PCDHA12: variants seen among roughly 807,000 people sequenced by gnomAD.
PCDHA12 encodes protocadherin alpha-12.
A neutral mutation model predicts 60.0 loss-of-function variants in PCDHA12; 44 were observed. The ratio of observed to expected loss-of-function variants is 0.73; its 90% CI spans 0.58 to 0.94. PCDHA12 has a LOEUF of 0.94. Among genes scored for constraint, PCDHA12 ranks in the 40% least tolerant of loss-of-function variants. The pLI, the probability that PCDHA12 is intolerant of heterozygous loss-of-function variation, is 0.00. For missense variants in PCDHA12, 1,276 were observed against 1,239.7 expected (o/e 1.03, Z -0.44); for synonymous variants, 569 against 553.0 (o/e 1.03, Z -0.40).
At chr5:140,983,588 C>T (rs530448589) in intron 3 of PCDHA12, among the ~76,000 whole-genome samples, 2 of 152,270 alleles carry the variant, frequency 1.3e-5, no homozygotes, top group East Asian at 3.9e-4. Flanking sequence ...TACATCTATT[C>T]TACATATGAG....
intron 1 of PCDHA12, among the ~76,000 whole-genome samples, chr5:140,963,688 G>A (rs185853589): frequency 5.9e-5 from 9 of 152,274 alleles, no homozygotes; most frequent in Admixed American, 5.9e-4. Context: ...GTTTATCCGT[G>A]TTTGATATCT....
intron 3 of PCDHA12, among the ~76,000 whole-genome samples, chr5:141,000,419 A>G (rs1394449061): frequency 1.6e-5 from 1 of 61,008 alleles, no homozygotes; most frequent in African/African-American, 7.6e-5. Flanking sequence ...ATATATATAT[A>G]TATTTTTTTT....
At chr5:140,906,253 A>C (rs1049653184) in intron 1 of PCDHA12, among the ~76,000 whole-genome samples, 5 of 152,064 alleles carry the variant, frequency 3.3e-5, no homozygotes, top group South Asian at 2.1e-4. Flanking sequence ...ACCCATACAC[A>C]CCTCCTGAAA....
chr5:140,966,190 C>G (rs1251814900), intron 1 of PCDHA12: 1 of 203,228 alleles, frequency 4.9e-6, no homozygotes, highest in Non-Finnish European at 9.7e-6. Context: ...AGCCAGACTT[C>G]TAGGGGCTTG....
chr5:140,954,284 C>G (rs1719232084), intron 1 of PCDHA12, among the ~76,000 whole-genome samples: 1 of 152,158 alleles, frequency 6.6e-6, no homozygotes, highest in South Asian at 2.1e-4. Context: ...ATTTATATTC[C>G]TTTGGGTACA....
intron 1 of PCDHA12, among the ~76,000 whole-genome samples, chr5:140,879,587 G>A (rs904371743): frequency 6.6e-6 from 1 of 152,186 alleles, no homozygotes. Context: ...GACAGACATT[G>A]AAAAGTGAAA....
At chr5:140,987,515 T>TA (rs2097257557) in intron 3 of PCDHA12, among the ~76,000 whole-genome samples, 1 of 152,160 alleles carries the variant, frequency 6.6e-6, no homozygotes, top group African/African-American at 2.4e-5. Flanking sequence ...TGCCACTCAG[T>TA]AATTGTATGT....
At chr5:140,974,637 G>A (rs1054796505) in intron 1 of PCDHA12, among the ~76,000 whole-genome samples, 7 of 151,898 alleles carry the variant, frequency 4.6e-5, no homozygotes, top group South Asian at 2.1e-4. Context: ...TCAACCTCCC[G>A]AGTAGCTGAG....
chr5:140,924,907 AAAAT>A (rs1563068966), intron 1 of PCDHA12, among the ~76,000 whole-genome samples: 53 of 50,956 alleles, frequency 1.0e-3, no homozygotes, highest in African/African-American at 2.1e-3. Flanking sequence ...AAAAAAAAAT[AAAAT>A]AAAATAAAAT....
At chr5:140,902,702 C>T (rs78828243) in intron 1 of PCDHA12, among the ~76,000 whole-genome samples, 7,835 of 152,116 alleles carry the variant, frequency 0.052, 268 homozygotes, top group Admixed American at 0.075. Flanking sequence ...AGTCTTTTAT[C>T]TTTCACTCCC....
intron 1 of PCDHA12, among the ~76,000 whole-genome samples, chr5:140,970,929 G>A (rs537614286): frequency 1.4e-4 from 22 of 152,192 alleles, no homozygotes; most frequent in Non-Finnish European, 2.9e-4. Flanking sequence ...AGTGCCTGGT[G>A]TTAGTCAATG....
intron 3 of PCDHA12, among the ~76,000 whole-genome samples, chr5:141,005,923 G>A (rs1424300772): frequency 6.6e-6 from 1 of 151,914 alleles, no homozygotes; most frequent in East Asian, 1.9e-4. Context: ...CTTCAGCCTG[G>A]TTGACAGAGT....
At chr5:140,964,509 C>T (rs552530683) in intron 1 of PCDHA12, among the ~76,000 whole-genome samples, 1 of 152,258 alleles carries the variant, frequency 6.6e-6, no homozygotes, top group Non-Finnish European at 1.5e-5. Flanking sequence ...GGTCAATACC[C>T]AGTGGCCAGG....
chr5:141,009,562 C>T, intron 3 of PCDHA12, 65 bp from the exon 4 acceptor site: 7 of 1,571,344 alleles, frequency 4.5e-6, no homozygotes, highest in Non-Finnish European at 6.0e-6. Flanking sequence ...CTGTACTCTA[C>T]CAGCAGTGTG....
chr5:140,911,971 C>G (rs1041878022), intron 1 of PCDHA12, among the ~76,000 whole-genome samples: 5 of 152,266 alleles, frequency 3.3e-5, no homozygotes, highest in African/African-American at 1.2e-4. Flanking sequence ...GGAGTATTAA[C>G]TCACATGATC....
intron 1 of PCDHA12, among the ~76,000 whole-genome samples, chr5:140,894,986 A>G (rs1380930076): frequency 6.6e-6 from 1 of 152,194 alleles, no homozygotes; most frequent in Non-Finnish European, 1.5e-5. Flanking sequence ...ACTTTGTGAC[A>G]TCCTTTACCC....
At chr5:140,935,981 C>T (rs1206046231) in intron 1 of PCDHA12, among the ~76,000 whole-genome samples, 2 of 151,096 alleles carry the variant, frequency 1.3e-5, no homozygotes, top group Non-Finnish European at 2.9e-5. Context: ...CAATCTCTGC[C>T]TCCCGGGTTC....
At chr5:140,942,530 T>C (rs963252648) in intron 1 of PCDHA12, among the ~76,000 whole-genome samples, 5 of 151,374 alleles carry the variant, frequency 3.3e-5, no homozygotes, top group Non-Finnish European at 5.9e-5. Flanking sequence ...AGCAACTAAC[T>C]CAGTATGGTG....
chr5:140,901,331 G>A (rs545187943), intron 1 of PCDHA12, among the ~76,000 whole-genome samples: 66 of 152,062 alleles, frequency 4.3e-4, no homozygotes, highest in Non-Finnish European at 7.1e-4. Flanking sequence ...TCTTGTAGTC[G>A]TTTTATAGTT....
Sources: allele counts gnomAD v4.1 joint callset (sites outside exome capture counted in the v4.1 genomes callset), GRCh38; gene constraint gnomAD v4.1.1; transcripts MANE v1.5; gene names NCBI Gene and HGNC (gene_info 2026-07-23, HGNC 2026-07-21).